BNC2: variants seen among roughly 807,000 people sequenced by gnomAD.
The protein encoded by BNC2 is basonuclin zinc finger protein 2.
Under a neutral mutation model 76.3 loss-of-function variants are expected in BNC2, and 20 were observed. That is an observed-to-expected ratio of 0.26 (90% CI 0.18 to 0.38). The LOEUF is 0.38. Among genes scored for constraint, BNC2 ranks in the 10% least tolerant of loss-of-function variants. The probability of loss-of-function intolerance (pLI) is 1.00; values close to 1 mark genes in which losing one functional copy is unlikely to be tolerated. For missense variants in BNC2, 1,382 were observed against 1,399.8 expected, an observed-to-expected ratio of 0.99 and a Z score of 0.20; for synonymous variants, 582 against 514.8, an observed-to-expected ratio of 1.13 and a Z score of -1.77.
chr9:16,617,024 A>G (rs1451332583), intron 3 of BNC2, among the ~76,000 whole-genome samples: 1 of 152,230 alleles, frequency 6.6e-6, no homozygotes, highest in Non-Finnish European at 1.5e-5. Context: ...GTGAATTACA[A>G]CAGGTAATTT....
chr9:16,490,351 G>A (rs560054575), intron 5 of BNC2, among the ~76,000 whole-genome samples: 2 of 152,212 alleles, frequency 1.3e-5, no homozygotes, highest in South Asian at 2.1e-4. Context: ...TCACCATCAA[G>A]AGAAGAGCAA....
chr9:16,582,138 G>A (rs1819644406), intron 4 of BNC2, among the ~76,000 whole-genome samples: 1 of 151,992 alleles, frequency 6.6e-6, no homozygotes, highest in Non-Finnish European at 1.5e-5. Context: ...AATACCCGGG[G>A]CTGTCAAAAA....
At chr9:16,542,366 A>G (rs1002877488) in intron 5 of BNC2, among the ~76,000 whole-genome samples, 8 of 152,272 alleles carry the variant, frequency 5.3e-5, no homozygotes, top group Non-Finnish European at 1.2e-4. Flanking sequence ...GACTGAAAAA[A>G]AGAGAGAAAG....
At chr9:16,577,775 T>G (rs773860266) in intron 4 of BNC2, among the ~76,000 whole-genome samples, 10 of 152,210 alleles carry the variant, frequency 6.6e-5, no homozygotes, top group Non-Finnish European at 1.3e-4. Flanking sequence ...GCAACAAGCA[T>G]TCTTGCAGGC....
intron 1 of BNC2, among the ~76,000 whole-genome samples, chr9:16,831,621 G>C (rs772647930): frequency 6.6e-6 from 1 of 152,188 alleles, no homozygotes; most frequent in Non-Finnish European, 1.5e-5. Context: ...AGGTTAGAAT[G>C]AAATTAAACC....
rs1290103337 is a variant in BNC2 at position 16,808,501 on chromosome 9, T to TTTC, written c.3+62144_3+62145insGAA. Reference sequence around the variant, plus strand: ...CAACTTTTTTTTTTTTTTTTTTTTTTTTTTTGAGACAGAGTCTCATTCTGT... The same window carrying TTTC: ...CAACTTTTTTTTTTTTTTTTTTTTTTTTCTTTTTGAGACAGAGTCTCATTCTGT... On this transcript the variant is annotated intron_variant, in intron 1 of 6. Coordinates refer to ENST00000380672, the MANE Select transcript of BNC2 (RefSeq NM_017637.6). 4.9e-4 allele frequency among the ~76,000 whole-genome samples: 68 copies of TTTC among 139,708 alleles called. 1 individual carries two copies. The highest frequency in any genetic ancestry group is 1.7e-4 in the Non-Finnish European group (11 of 65,056). 91.7% of individuals were successfully genotyped at this position (139,708 alleles called of 152,430 possible).
chr9:16,558,152 C>A (rs960300162), intron 4 of BNC2, among the ~76,000 whole-genome samples: 2 of 152,132 alleles, frequency 1.3e-5, no homozygotes, highest in Non-Finnish European at 2.9e-5. Flanking sequence ...TCAGACAATA[C>A]CAGTATTTCA....
chr9:16,738,630 G>A (rs1476526248), intron 1 of BNC2, 145 bp from the exon 2 acceptor site: 3 of 874,792 alleles, frequency 3.4e-6, no homozygotes, highest in East Asian at 5.4e-5. Context: ...AGTTTCTAAG[G>A]CTGATAGTAG....
Position 16,690,285 on chromosome 9 carries a change from C to A in BNC2, c.330+37512G>T, listed in dbSNP as rs1382454861. Among the ~76,000 whole-genome samples, 8 of 152,134 alleles carry A rather than the reference C, an allele frequency of 5.3e-5. No homozygotes were observed. The South Asian group carries it at 1.2e-3, about 24-fold the overall frequency. ...AAGGCAGGAGACCAGGAGTTCTAGA[C>A]CAGCCTGGGCAACACAGAGAGAAAA... On this transcript the variant is annotated intron_variant, in intron 3 of 6. Coordinates refer to ENST00000380672, the MANE Select transcript of BNC2 (RefSeq NM_017637.6).
At chr9:16,471,759 G>A (rs191220024) in intron 5 of BNC2, among the ~76,000 whole-genome samples, 86 of 152,194 alleles carry the variant, frequency 5.7e-4, no homozygotes, top group African/African-American at 1.7e-3. Flanking sequence ...GATTTGGAGG[G>A]GCCAGGTGCA....
chr9:16,649,032 A>C (rs1821719385), intron 3 of BNC2, among the ~76,000 whole-genome samples: 1 of 152,206 alleles, frequency 6.6e-6, no homozygotes, highest in South Asian at 2.1e-4. Flanking sequence ...AACATAGAAG[A>C]AGTGTATCTT....
chr9:16,619,377 A>G (rs546296822), intron 3 of BNC2, among the ~76,000 whole-genome samples: 3 of 152,260 alleles, frequency 2.0e-5, no homozygotes, highest in Admixed American at 1.3e-4. Flanking sequence ...CTGGCACAGC[A>G]GGCTTCCTGT....
At chr9:16,511,559 C>T (rs190022133) in intron 5 of BNC2, among the ~76,000 whole-genome samples, 19 of 150,704 alleles carry the variant, frequency 1.3e-4, no homozygotes, top group Admixed American at 6.0e-4. Context: ...TCCCAAGTAG[C>T]TGGGACTATA....
At chr9:16,854,935 G>A (rs781090674) in intron 1 of BNC2, among the ~76,000 whole-genome samples, 4 of 151,952 alleles carry the variant, frequency 2.6e-5, no homozygotes, top group Admixed American at 6.6e-5. Context: ...TATAGGAGGA[G>A]AAGACCCTCA....
chr9:16,763,226 G>A (rs1286865445), intron 1 of BNC2, among the ~76,000 whole-genome samples: 4 of 152,060 alleles, frequency 2.6e-5, no homozygotes, highest in East Asian at 1.9e-4. Context: ...GAGTAATTCC[G>A]TTCCCCTCCA....
At chr9:16,485,713 G>A (rs1219118158) in intron 5 of BNC2, among the ~76,000 whole-genome samples, 3 of 152,128 alleles carry the variant, frequency 2.0e-5, no homozygotes, top group African/African-American at 7.2e-5. Context: ...TTCCAGCTGC[G>A]TGGGAGGACT....
chr9:16,509,884 T>A (rs890959981), intron 5 of BNC2, among the ~76,000 whole-genome samples: 2 of 152,204 alleles, frequency 1.3e-5, no homozygotes, highest in African/African-American at 4.8e-5. Context: ...ACTGTAATGG[T>A]TAGCTGACAT....
At chr9:16,482,971 C>T (rs1822091357) in intron 5 of BNC2, among the ~76,000 whole-genome samples, 1 of 152,170 alleles carries the variant, frequency 6.6e-6, no homozygotes, top group South Asian at 2.1e-4. Context: ...TTTGCAGGTA[C>T]AAATGGCAAT....
intron 5 of BNC2, among the ~76,000 whole-genome samples, chr9:16,440,586 AAATGCACCTCAG>A (rs1250324960): frequency 1.3e-5 from 2 of 152,184 alleles, no homozygotes; most frequent in Non-Finnish European, 2.9e-5. Flanking sequence ...TCTGGCATTA[AAATGCACCTCAG>A]AAACCATAGG....
Sources: allele counts gnomAD v4.1 joint callset (sites outside exome capture counted in the v4.1 genomes callset), GRCh38; gene constraint gnomAD v4.1.1; transcripts MANE v1.5; gene names NCBI Gene and HGNC (gene_info 2026-07-23, HGNC 2026-07-21).